EVPLL: variants seen among roughly 807,000 people sequenced by gnomAD.
EVPLL encodes envoplakin-like protein.
EVPLL carries 39 observed loss-of-function variants against 46.2 expected under a neutral mutation model. The observed-to-expected ratio is 0.84, with a 90% CI of 0.65 to 1.10. The LOEUF is 1.10. Among genes scored for constraint, EVPLL ranks in the 50% least tolerant of loss-of-function variants. EVPLL has a pLI of 0.00. For missense variants in EVPLL, 385 were observed against 412.6 expected, an observed-to-expected ratio of 0.93 and a Z score of 0.58; for synonymous variants, 156 against 165.8, an observed-to-expected ratio of 0.94 and a Z score of 0.46.
In EVPLL at chr17:18,377,902, G is replaced by A. The variant is rs563951780; in HGVS notation, c.-118G>A. ...TTTATGACCATGTTCAAGGGACTGAGCAAAGGCTCCCAGGGGAAGGGGTCC... is the reference window on the plus strand; with the variant it reads ...TTTATGACCATGTTCAAGGGACTGAACAAAGGCTCCCAGGGGAAGGGGTCC... On this transcript the variant is annotated 5_prime_UTR_variant, in exon 1 of 11. Transcript: ENST00000399134. 1.1e-5 allele frequency: 13 copies of A among 1,141,338 alleles called. No homozygotes were observed. Among genetic ancestry groups the A allele is most frequent in the Admixed American group, 2.9e-5 (1 of 33,998 alleles). The allele number at this position is 1,141,338 out of a possible 1,614,324, so 70.7% of individuals were successfully genotyped here. A position where few individuals can be genotyped will look rare whatever the true frequency, so the allele number is the denominator to read the frequency against.
In EVPLL at chr17:18,380,862, T is replaced by A; in HGVS notation, c.-36-40T>A. ...CACCTGGATGGGGCACAGAGGGGCC[T>A]CTTCCACCGAGCTGCCCACTGTCCC... On this transcript the variant is annotated intron_variant, in intron 1 of 10. Transcript: ENST00000399134. 7 of 1,516,232 alleles carry A rather than the reference T, an allele frequency of 4.6e-6. No homozygotes were observed. The South Asian group carries it at 8.4e-5, about 18-fold the overall frequency. The allele number at this position is 1,516,232 out of a possible 1,614,324, so 93.9% of individuals were successfully genotyped here.
rs1375664856 is a variant in EVPLL at position 18,377,995 on chromosome 17, T to G, written c.-37+12T>G. The G allele has an allele frequency of 6.3e-6, 5 of 796,566 alleles. No individual in the cohort carries two copies. The highest frequency in any genetic ancestry group is 9.2e-6 in the Non-Finnish European group (5 of 541,662). 49.3% of individuals were successfully genotyped at this position (796,566 alleles called of 1,614,324 possible). On this transcript the variant is annotated intron_variant, in intron 1 of 10. Transcript: ENST00000399134. ...AGCAAGCACAGCTGGTGAGTGGGAC[T>G]AGGGGATGGGGAGCCAGGGAGCTAG...
At chr17:18,383,427 A>AG (rs372254001) in intron 8 of EVPLL, 49 bp downstream of exon 8, 5,583 of 265,510 alleles carry the variant, frequency 0.021, 95 homozygotes, top group South Asian at 0.15. Context: ...TGGGCGGGGA[A>AG]GGGGGGGGTG....
intron 6 of EVPLL, 74 bp from the exon 7 acceptor site, chr17:18,382,951 G>A (rs191181442): frequency 2.4e-5 from 38 of 1,579,092 alleles, no homozygotes; most frequent in East Asian, 2.3e-5. Flanking sequence ...GTTCCTGAGC[G>A]CCGCCCAATG....
Position 18,382,809 on chromosome 17 carries a change from C to T in EVPLL, c.473-17C>T. 1.2e-6 allele frequency: 2 copies of T among 1,612,680 alleles called. No homozygotes were observed. The highest frequency in any genetic ancestry group is 2.2e-5 in the South Asian group (2 of 90,862). ...CCCCACCTCTCACGGGCTTGTTTCT[C>T]CCCTTGGTCAAGGCAGGATGCCGCC... On this transcript the variant is annotated splice_polypyrimidine_tract_variant and intron_variant, in intron 5 of 10. Transcript: ENST00000399134.
In EVPLL at chr17:18,381,850, A is replaced by C; in HGVS notation, c.346+120A>C. 1 of 1,496,266 alleles carries C rather than the reference A, an allele frequency of 6.7e-7. No individual in the cohort carries two copies. The highest frequency in any genetic ancestry group is 9.1e-7 in the Non-Finnish European group (1 of 1,099,726). 92.7% of individuals were successfully genotyped at this position (1,496,266 alleles called of 1,614,324 possible). A position where few individuals can be genotyped will look rare whatever the true frequency, so the allele number is the denominator to read the frequency against. On this transcript the variant is annotated intron_variant, in intron 4 of 10. Transcript: ENST00000399134. The surrounding 1 kb of genome is among the most constrained non-coding windows in gnomAD (Gnocchi z 4.2). ...ATAGTGGTGTCTCAGGGGTCTGGGCAGGGAGACAGCAGAGGAGACAGTGCA... is the reference window on the plus strand; with the variant it reads ...ATAGTGGTGTCTCAGGGGTCTGGGCCGGGAGACAGCAGAGGAGACAGTGCA...
Position 18,383,063 on chromosome 17 carries a change from G to T in EVPLL, c.550G>T (p.Val184Leu), listed in dbSNP as rs768422750. Reference protein sequence around the residue: ...VVARAEPGQPVHALQGCTWQL... With the variant: ...VVARAEPGQPLHALQGCTWQL... ...GGCGCGGGCAGAGCCTGGGCAGCCT[G>T]TACACGCACTGCAGGGCTGCACGTG... Residue 184 changes from valine (V) to leucine (L), a missense_variant, in exon 7 of 11, where the codon GTA becomes TTA. Physicochemically the swap from Val to Leu is conservative, Grantham distance 32. Transcript: ENST00000399134. 10 of 1,560,370 alleles carry T rather than the reference G, an allele frequency of 6.4e-6. No homozygotes were observed. The Admixed American group carries it at 1.5e-4, about 23-fold the overall frequency.
chr17:18,380,771 C>T, intron 1 of EVPLL, 131 bp from the exon 2 acceptor site: 2 of 751,468 alleles, frequency 2.7e-6, no homozygotes, highest in Admixed American at 2.5e-5. Context: ...CAGAGAGAGA[C>T]CCCAAAGTCA....
intron 9 of EVPLL, chr17:18,383,843 C>G (rs924717125): frequency 6.9e-6 from 3 of 436,246 alleles, no homozygotes; most frequent in Non-Finnish European, 1.3e-5. Flanking sequence ...GGTGGTGGCA[C>G]GCGCCTGTAA....
chr17:18,383,727 CT>C, intron 9 of EVPLL, 140 bp downstream of exon 9: 2 of 730,778 alleles, frequency 2.7e-6, no homozygotes, highest in Non-Finnish European at 2.3e-6. Flanking sequence ...AATCCCAGCA[CT>C]TTGGGAGGCT....
At chr17:18,380,019 A>C (rs1987506429) in intron 1 of EVPLL, 1 of 152,390 alleles carries the variant, frequency 6.6e-6, no homozygotes, top group Middle Eastern at 3.4e-3. Flanking sequence ...TGCCTTCACC[A>C]GCACTGTCCC....
intron 9 of EVPLL, among the ~76,000 whole-genome samples, chr17:18,387,217 A>T (rs1987796712): frequency 6.6e-6 from 1 of 151,080 alleles, no homozygotes; most frequent in Non-Finnish European, 1.5e-5. Context: ...TTTTTAATTG[A>T]TCTTTTGTAT....
rs1208014930 is a variant in EVPLL, at chr17:18,381,254, G to A, written c.64-113G>A. 4.9e-6 allele frequency: 7 copies of A among 1,440,334 alleles called. No individual in the cohort carries two copies. Among genetic ancestry groups the A allele is most frequent in the Admixed American group, 2.6e-5 (1 of 37,982 alleles). 89.2% of individuals were successfully genotyped at this position (1,440,334 alleles called of 1,614,324 possible). A position where few individuals can be genotyped will look rare whatever the true frequency, so the allele number is the denominator to read the frequency against. On this transcript the variant is annotated intron_variant, in intron 2 of 10. Transcript: ENST00000399134. The surrounding 1 kb of genome is among the most constrained non-coding windows in gnomAD (Gnocchi z 4.2). ...TGACCCTGTGCCTGGCGTGGGCCTC[G>A]AGGTTGGCCAGCATAGCTGGGGTCC...
At position 18,381,540 on chromosome 17, in the gene EVPLL, G is replaced by A. The variant is rs765157855; in HGVS notation, c.218+19G>A. On this transcript the variant is annotated intron_variant, in intron 3 of 10. Transcript: ENST00000399134. This position sits in a 1 kb window ranked among gnomAD's most constrained non-coding sequence, Gnocchi z 4.2. Reference sequence around the variant, plus strand: ...AGAAGGAGTGAGTGGGGCTGCGGCAGGGCTGGGGGTCCCTGGGGAAGACCC... The same window carrying A: ...AGAAGGAGTGAGTGGGGCTGCGGCAAGGCTGGGGGTCCCTGGGGAAGACCC... 2 of 1,613,406 alleles carry A rather than the reference G, an allele frequency of 1.2e-6. No homozygotes were observed. The highest frequency in any genetic ancestry group is 1.7e-6 in the Non-Finnish European group (2 of 1,179,578).
chr17:18,377,990 G>C lies in EVPLL; in HGVS notation c.-37+7G>C. The C allele has an allele frequency of 1.2e-6, 1 of 818,088 alleles. No homozygotes were observed. Among genetic ancestry groups the C allele is most frequent in the Non-Finnish European group, 1.8e-6 (1 of 559,590 alleles). The allele number at this position is 818,088 out of a possible 1,614,324, so 50.7% of individuals were successfully genotyped here. ...CCCCCAGCAAGCACAGCTGGTGAGT[G>C]GGACTAGGGGATGGGGAGCCAGGGA... On this transcript the variant is annotated splice_region_variant and intron_variant, in intron 1 of 10. Coordinates refer to ENST00000399134, the MANE Select transcript of EVPLL (RefSeq NM_001145127.2).
intron 1 of EVPLL, among the ~76,000 whole-genome samples, chr17:18,378,328 G>T (rs1987449731): frequency 6.6e-6 from 1 of 152,184 alleles, no homozygotes; most frequent in African/African-American, 2.4e-5. Flanking sequence ...AGGAGAGCCT[G>T]GTTGTGTGAC....
rs1449853687 is a variant in EVPLL at position 18,381,447 on chromosome 17, G to A, written c.144G>A (p.Leu48=). ...GCAGCCTGAAGGAGGCCGAGGTGCT[G>A]CTCAAGGACCTCTTCCTGGACGTGG... ...TGSSLKEAEV[L]LKDLFLDVDK... is the part of the protein sequence containing the mutation. Residue 48 remains leucine, a synonymous_variant, in exon 3 of 11, where the codon CTG becomes CTA. Transcript: ENST00000399134. This position sits in a 1 kb window ranked among gnomAD's most constrained non-coding sequence, Gnocchi z 4.2. The A allele has an allele frequency of 6.2e-7, 1 of 1,613,376 alleles. No individual in the cohort carries two copies. Among genetic ancestry groups the A allele is most frequent in the African/African-American group, 1.3e-5 (1 of 75,042 alleles).
chr17:18,378,255 C>T (rs1598092752), intron 1 of EVPLL, among the ~76,000 whole-genome samples: 1 of 152,348 alleles, frequency 6.6e-6, no homozygotes. Flanking sequence ...TGATGCTGCT[C>T]AGCGGGAGAA....
In EVPLL at chr17:18,383,537, C is replaced by T; in HGVS notation, c.826C>T (p.Leu276=). The change falls in exon 9 of 11, where the codon CTG becomes TTG. Residue 276 remains leucine (L), a synonymous_variant. Coordinates refer to ENST00000399134, the MANE Select transcript of EVPLL (RefSeq NM_001145127.2). ...GATGGAGTGGCAGAACTTCCTGAACCTGTGCATCTGCCAGGAGACCCAGCT... is the reference window on the plus strand; with the variant it reads ...GATGGAGTGGCAGAACTTCCTGAACTTGTGCATCTGCCAGGAGACCCAGCT... The part of the protein sequence containing the change: ...LKMEWQNFLN[L]CICQETQLQH... 6.3e-7 allele frequency: 1 copy of T among 1,581,626 alleles called. No homozygotes were observed. Among genetic ancestry groups the T allele is most frequent in the Non-Finnish European group, 8.6e-7 (1 of 1,164,222 alleles).
Sources: gnomAD v4.1 joint callset for allele counts (sites outside exome capture counted in the v4.1 genomes callset) on GRCh38, gnomAD v4.1.1 for gene constraint, Gnocchi (gnomAD v3.1) non-coding constraint, MANE v1.5 for transcripts, NCBI Gene and HGNC (gene_info 2026-07-23, HGNC 2026-07-21) for gene names.